JPH3: variants seen among roughly 807,000 people sequenced by gnomAD.
The protein encoded by JPH3 is junctophilin-3.
JPH3 carries 11 observed loss-of-function variants against 59.6 expected under a neutral mutation model. That is an observed-to-expected ratio of 0.18 (90% confidence interval 0.12 to 0.31). The LOEUF is 0.31. Ranked by LOEUF, JPH3 falls within the 10% of genes least tolerant of loss-of-function variation. JPH3 has a pLI of 1.00. For missense variants in JPH3, 1,202 were observed against 1,105.7 expected, an observed-to-expected ratio of 1.09 and a Z score of -1.24; for synonymous variants, 673 against 483.6, an observed-to-expected ratio of 1.39 and a Z score of -5.14.
At chr16:87,620,114 G>A (rs936002352) in intron 1 of JPH3, among the ~76,000 whole-genome samples, 7 of 152,124 alleles carry the variant, frequency 4.6e-5, no homozygotes, top group East Asian at 1.9e-4. Flanking sequence ...ACAGTACTGC[G>A]TGGGAGGGAG....
chr16:87,615,658 G>A (rs1006400118), intron 1 of JPH3, among the ~76,000 whole-genome samples: 2 of 152,178 alleles, frequency 1.3e-5, no homozygotes, highest in South Asian at 2.1e-4. Flanking sequence ...CATCTGGGTC[G>A]CCTGACCCGG....
chr16:87,688,945 A>G (rs2033486079), intron 3 of JPH3, among the ~76,000 whole-genome samples: 1 of 152,100 alleles, frequency 6.6e-6, no homozygotes, highest in African/African-American at 2.4e-5. Flanking sequence ...CTAGTCCTAC[A>G]ATGCTGCCCC....
chr16:87,604,928 C>G (rs1173036373), intron 1 of JPH3: 1 of 450,180 alleles, frequency 2.2e-6, no homozygotes, highest in South Asian at 1.6e-5. Context: ...CCCTGGGGCG[C>G]TGAGGGCCGG....
chr16:87,663,573 C>G (rs1381726577), intron 2 of JPH3, among the ~76,000 whole-genome samples: 1 of 152,230 alleles, frequency 6.6e-6, no homozygotes, highest in Non-Finnish European at 1.5e-5. Flanking sequence ...ACTGGGTGAA[C>G]ACAGCCACTG....
intron 2 of JPH3, among the ~76,000 whole-genome samples, chr16:87,673,731 G>T (rs1245974967): frequency 1.3e-5 from 2 of 151,948 alleles, no homozygotes; most frequent in Non-Finnish European, 2.9e-5. Context: ...TTCGAGACCA[G>T]CCTGACCAAC....
intron 2 of JPH3, among the ~76,000 whole-genome samples, chr16:87,645,922 T>C (rs2032132620): frequency 6.6e-6 from 1 of 152,236 alleles, no homozygotes; most frequent in Admixed American, 6.5e-5. Flanking sequence ...TAAAGGGCTT[T>C]GTCAAGACTT....
At chr16:87,637,693 C>G (rs539668415) in intron 1 of JPH3, among the ~76,000 whole-genome samples, 1 of 150,978 alleles carries the variant, frequency 6.6e-6, no homozygotes, top group South Asian at 2.1e-4. Flanking sequence ...CCACTGGAGT[C>G]TATGCTTGAA....
At chr16:87,635,098 G>C (rs573988989) in intron 1 of JPH3, among the ~76,000 whole-genome samples, 1 of 152,304 alleles carries the variant, frequency 6.6e-6, no homozygotes, top group Admixed American at 6.5e-5. Flanking sequence ...CAGAACTCAT[G>C]GGTCGGGGCC....
rs139274583 is a variant in JPH3 at position 87,606,773 on chromosome 16, A to T, written c.382+3245A>T. 3.7e-3 allele frequency among the ~76,000 whole-genome samples: 565 copies of T among 152,306 alleles called. 4 individuals carry two copies. The highest frequency in any genetic ancestry group is 7.6e-4 in the Non-Finnish European group (52 of 68,018). On this transcript the variant is annotated intron_variant, in intron 1 of 4. Transcript: ENST00000284262. ...CAGGCAATGCATGTCACTTACAATG[A>T]TCATTATTAGAACCAACATCTGGAC...
At chr16:87,609,731 C>T (rs1238302725) in intron 1 of JPH3, among the ~76,000 whole-genome samples, 1 of 152,182 alleles carries the variant, frequency 6.6e-6, no homozygotes, top group African/African-American at 2.4e-5. Flanking sequence ...GAAACTGTTT[C>T]ACCACCATTC....
At chr16:87,664,326 T>G (rs750983514) in intron 2 of JPH3, among the ~76,000 whole-genome samples, 1 of 99,302 alleles carries the variant, frequency 1.0e-5, no homozygotes, top group Non-Finnish European at 2.0e-5. Context: ...AATGAGACTC[T>G]GTCTGAAAAA....
At chr16:87,655,142 C>T (rs1276001006) in intron 2 of JPH3, 1 of 152,222 alleles carries the variant, frequency 6.6e-6, no homozygotes, top group African/African-American at 2.4e-5. Flanking sequence ...CCTGCATCGG[C>T]AGTAACCGCG....
At chr16:87,677,225 C>CACACAAA (rs1271128667) in intron 2 of JPH3, among the ~76,000 whole-genome samples, 3 of 81,726 alleles carry the variant, frequency 3.7e-5, no homozygotes, top group African/African-American at 1.3e-4. Context: ...CACACACACA[C>CACACAAA]AAAAAAAAAA....
rs776960260 is a variant in JPH3, at chr16:87,689,703, C to A, written c.1343C>A (p.Ser448Tyr). The A allele has an allele frequency of 8.7e-6, 14 of 1,612,492 alleles. No individual in the cohort carries two copies. The highest frequency in any genetic ancestry group is 4.2e-6 in the Non-Finnish European group (5 of 1,179,774). Residue 448 changes from serine (S) to tyrosine (Y), a missense_variant, in exon 4 of 5, where the codon TCC becomes TAC. By Grantham distance (144) the Ser-to-Tyr change is moderately radical. Transcript: ENST00000284262. ...TCCTGTGACGACATCGAGGTGCTGT[C>A]CACCGGGACACCCCTGCAGCAGGAG... ...QTSCDDIEVLSTGTPLQQESP... is the reference protein window; with the variant it reads ...QTSCDDIEVLYTGTPLQQESP...
chr16:87,696,439 C>G (rs2033858490), intron 4 of JPH3, 141 bp from the exon 5 acceptor site: 2 of 697,236 alleles, frequency 2.9e-6, no homozygotes, highest in Non-Finnish European at 5.0e-6. Context: ...CCTTTGGTGT[C>G]CAAGCGTTTC....
intron 2 of JPH3, among the ~76,000 whole-genome samples, chr16:87,657,119 G>C (rs2032528719): frequency 6.6e-6 from 1 of 152,172 alleles, no homozygotes; most frequent in Non-Finnish European, 1.5e-5. Context: ...GGAGCACCTG[G>C]TGTGTTAGGA....
rs571875770 is a variant in JPH3, at chr16:87,665,127, C to T, written c.1161-19015C>T. 7.9e-5 allele frequency among the ~76,000 whole-genome samples: 12 copies of T among 152,238 alleles called. No individual in the cohort carries two copies. The East Asian group carries it at 2.3e-3, about 29-fold the overall frequency. The stretch of plus-strand genomic sequence containing the variant: ...CTCCAGGGAGGGAGGTCATGAGCAC[C>T]ACAGTCTTTATGGGGGAGATCACTG... On this transcript the variant is annotated intron_variant, in intron 2 of 4. Transcript: ENST00000284262.
intron 2 of JPH3, among the ~76,000 whole-genome samples, chr16:87,657,711 C>T (rs1432174184): frequency 6.6e-6 from 1 of 152,184 alleles, no homozygotes; most frequent in East Asian, 1.9e-4. Context: ...GTGACCCTAG[C>T]TTACCCCCAT....
rs1037627213 is a variant in JPH3, at chr16:87,697,050, C to T, written c.*390C>T. 3.7e-6 allele frequency: 1 copy of T among 267,292 alleles called. No individual in the cohort carries two copies. Among genetic ancestry groups the T allele is most frequent in the African/African-American group, 2.2e-5 (1 of 45,556 alleles). 16.6% of individuals were successfully genotyped at this position (267,292 alleles called of 1,614,324 possible). ...CCGGGGCAGAGCCTCAGCCCCGCGG[C>T]CCCTGAGTGGCAGGGCTGACTCCCG... On this transcript the variant is annotated 3_prime_UTR_variant, in exon 5 of 5. Transcript: ENST00000284262.
Sources: allele counts gnomAD v4.1 joint callset (sites outside exome capture counted in the v4.1 genomes callset), GRCh38; gene constraint gnomAD v4.1.1; transcripts MANE v1.5; gene names NCBI Gene and HGNC (gene_info 2026-07-23, HGNC 2026-07-21).